EHBP1: variants seen among roughly 807,000 people sequenced by gnomAD.
EHBP1 encodes EH domain binding protein 1.
EHBP1 carries 55 observed loss-of-function variants against 144.0 expected under a neutral mutation model. That is an observed-to-expected ratio of 0.38 (90% CI 0.31 to 0.48). EHBP1 has a LOEUF of 0.48. Among genes scored for constraint, EHBP1 ranks in the 20% least tolerant of loss-of-function variants. The pLI is 0.98. For missense variants in EHBP1, 1,200 were observed against 1,364.2 expected, an observed-to-expected ratio of 0.88 and a Z score of 1.90; for synonymous variants, 469 against 472.7, an observed-to-expected ratio of 0.99 and a Z score of 0.10.
intron 1 of EHBP1, among the ~76,000 whole-genome samples, chr2:62,681,398 GTA>G (rs545582118): frequency 2.9e-4 from 35 of 122,412 alleles, no homozygotes; most frequent in Non-Finnish European, 1.7e-4. Flanking sequence ...GTGTATATAT[GTA>G]TATATATATA....
chr2:62,781,565 G>A (rs1354041540), intron 5 of EHBP1, among the ~76,000 whole-genome samples: 1 of 152,150 alleles, frequency 6.6e-6, no homozygotes, highest in Non-Finnish European at 1.5e-5. Context: ...ATTTCAGATA[G>A]GAGATTAAGT....
At chr2:62,801,789 G>A (rs894232421) in intron 5 of EHBP1, among the ~76,000 whole-genome samples, 7 of 152,122 alleles carry the variant, frequency 4.6e-5, no homozygotes, top group Non-Finnish European at 1.5e-5. Context: ...CTTAACTAGA[G>A]ACCAATTTCA....
intron 3 of EHBP1, among the ~76,000 whole-genome samples, chr2:62,760,930 T>C (rs778312153): frequency 6.6e-6 from 1 of 152,224 alleles, no homozygotes; most frequent in Non-Finnish European, 1.5e-5. Context: ...ATAGGTAGCC[T>C]TGTCTTTTCT....
chr2:62,820,322 T>G (rs1323470274), intron 5 of EHBP1, among the ~76,000 whole-genome samples: 1 of 152,060 alleles, frequency 6.6e-6, no homozygotes, highest in African/African-American at 2.4e-5. Context: ...CTCACAATAC[T>G]GTACAATATA....
chr2:62,931,051 C>T (rs779407237), intron 10 of EHBP1, among the ~76,000 whole-genome samples: 20 of 152,052 alleles, frequency 1.3e-4, no homozygotes, highest in Admixed American at 5.2e-4. Flanking sequence ...ACTTTTGTGC[C>T]TCAAAGAACA....
At chr2:62,755,076 C>T (rs929266280) in intron 3 of EHBP1, among the ~76,000 whole-genome samples, 7 of 152,234 alleles carry the variant, frequency 4.6e-5, no homozygotes, top group East Asian at 1.9e-4. Context: ...TCTTCTGCAT[C>T]GCTCAACGCT....
chr2:62,771,202 A>T, intron 4 of EHBP1, 137 bp from the exon 5 acceptor site: 2 of 489,832 alleles, frequency 4.1e-6, no homozygotes, highest in Non-Finnish European at 7.1e-6. Context: ...TGCAAAAGAA[A>T]AGAGTAGGCT....
rs139055668 is a variant in EHBP1 at position 62,898,978 on chromosome 2, A to G, written c.1185+24446A>G. ...CACCTACACGCAGATGGCAGAATTA[A>G]CATGAGATTGGTCTTGCCTGTTTAA... On this transcript the variant is annotated intron_variant, in intron 10 of 22. Coordinates refer to ENST00000431489, the MANE Select transcript of EHBP1 (RefSeq NM_001142616.3). Among the ~76,000 whole-genome samples, 391 of 152,332 alleles carry G rather than the reference A, an allele frequency of 2.6e-3. 1 individual carries two copies. Among genetic ancestry groups the G allele is most frequent in the African/African-American group, 8.8e-3 (366 of 41,574 alleles).
At chr2:62,729,614 A>G (rs2037301798) in intron 2 of EHBP1, among the ~76,000 whole-genome samples, 1 of 135,364 alleles carries the variant, frequency 7.4e-6, no homozygotes, top group Non-Finnish European at 1.5e-5. Flanking sequence ...AAATATAATA[A>G]TAAATAAAAT....
chr2:62,861,370 G>A (rs571789739), intron 8 of EHBP1, among the ~76,000 whole-genome samples: 4 of 150,874 alleles, frequency 2.7e-5, no homozygotes, highest in Non-Finnish European at 5.9e-5. Context: ...CCTTGTAATC[G>A]GCCCACCTTG....
At chr2:62,995,307 T>G (rs1449384356) in intron 18 of EHBP1, among the ~76,000 whole-genome samples, 2 of 152,086 alleles carry the variant, frequency 1.3e-5, no homozygotes, top group Non-Finnish European at 2.9e-5. Flanking sequence ...TTATGATTTC[T>G]TAAAATATTT....
intron 5 of EHBP1, among the ~76,000 whole-genome samples, chr2:62,776,659 C>G (rs953278265): frequency 2.0e-5 from 3 of 152,086 alleles, no homozygotes; most frequent in African/African-American, 7.2e-5. Context: ...TTCTTTTTAT[C>G]TTTTGATTTA....
chr2:62,838,318 A>G (rs1403528936), intron 7 of EHBP1, among the ~76,000 whole-genome samples: 1 of 152,214 alleles, frequency 6.6e-6, no homozygotes, highest in Admixed American at 6.5e-5. Flanking sequence ...ACATACCACA[A>G]TCTCTGGGAC....
intron 19 of EHBP1, among the ~76,000 whole-genome samples, chr2:63,006,474 TTAGA>T (rs2060040218): frequency 6.6e-6 from 1 of 151,912 alleles, no homozygotes; most frequent in African/African-American, 2.4e-5. Context: ...CATACAACTA[TTAGA>T]TAGAAAAAAA....
intron 2 of EHBP1, among the ~76,000 whole-genome samples, chr2:62,746,963 T>C (rs2039221409): frequency 6.6e-6 from 1 of 152,102 alleles, no homozygotes; most frequent in Admixed American, 6.6e-5. Context: ...ACAAGCATTG[T>C]TCATGAGATA....
intron 5 of EHBP1, among the ~76,000 whole-genome samples, chr2:62,801,544 C>T (rs552560299): frequency 2.5e-4 from 38 of 152,234 alleles, no homozygotes; most frequent in Admixed American, 5.9e-4. Flanking sequence ...TTTAAAAATA[C>T]GTGCTTTCAG....
chr2:62,792,819 T>C (rs1048844915), intron 5 of EHBP1, among the ~76,000 whole-genome samples: 3 of 152,090 alleles, frequency 2.0e-5, no homozygotes, highest in South Asian at 2.1e-4. Context: ...TACAGTGTTA[T>C]TAGTTTTATG....
chr2:62,863,838 T>A (rs1407693089), intron 8 of EHBP1, among the ~76,000 whole-genome samples: 1 of 82,322 alleles, frequency 1.2e-5, no homozygotes, highest in South Asian at 4.2e-4. Flanking sequence ...TTTTTCTGTG[T>A]TGTTTTTTTT....
At chr2:62,794,019 T>C (rs2043356736) in intron 5 of EHBP1, among the ~76,000 whole-genome samples, 1 of 152,140 alleles carries the variant, frequency 6.6e-6, no homozygotes, top group African/African-American at 2.4e-5. Context: ...GCTCTCCTAA[T>C]TTCCATCCTT....
Sources: allele counts gnomAD v4.1 joint callset (sites outside exome capture counted in the v4.1 genomes callset), GRCh38; gene constraint gnomAD v4.1.1; transcripts MANE v1.5; gene names NCBI Gene and HGNC (gene_info 2026-07-23, HGNC 2026-07-21).